The following PIGK variants were observed in gnomAD, a reference collection of about 807,000 sequenced individuals.
PIGK encodes GPI-anchor transamidase.
A neutral mutation model predicts 50.6 loss-of-function variants in PIGK; 42 were observed. The ratio of observed to expected loss-of-function variants is 0.83; its 90% CI spans 0.65 to 1.07. The LOEUF is 1.07. Ranked by LOEUF, PIGK falls within the 50% of genes least tolerant of loss-of-function variation. PIGK has a pLI of 0.00. For synonymous variants in PIGK, 151 were observed against 156.0 expected, an observed-to-expected ratio of 0.97 and a Z score of 0.24; for missense variants, 448 against 488.7, an observed-to-expected ratio of 0.92 and a Z score of 0.78.
intron 4 of PIGK, among the ~76,000 whole-genome samples, chr1:77,167,136 T>C (rs1655252199): frequency 6.6e-6 from 1 of 150,578 alleles, no homozygotes; most frequent in African/African-American, 2.5e-5. Context: ...TGGGCAGGAG[T>C]TCAAGATCAG....
intron 10 of PIGK, among the ~76,000 whole-genome samples, chr1:77,117,441 A>G (rs932964626): frequency 1.3e-5 from 2 of 152,216 alleles, no homozygotes; most frequent in Non-Finnish European, 2.9e-5. Flanking sequence ...TTTGACTGGT[A>G]TCTTCGGGGA....
At chr1:77,151,806 G>A (rs1267071977) in intron 9 of PIGK, among the ~76,000 whole-genome samples, 1 of 152,030 alleles carries the variant, frequency 6.6e-6, no homozygotes, top group Non-Finnish European at 1.5e-5. Flanking sequence ...ATCTCTACAG[G>A]AAAAACTACA....
At chr1:77,195,227 T>TG in intron 3 of PIGK, 1 of 1,229,122 alleles carries the variant, frequency 8.1e-7, no homozygotes, top group Non-Finnish European at 1.2e-6. Flanking sequence ...CTTTTCTTAC[T>TG]GGCAGGGCGA....
intron 10 of PIGK, among the ~76,000 whole-genome samples, chr1:77,108,340 C>T (rs1338286295): frequency 6.6e-6 from 1 of 152,128 alleles, no homozygotes; most frequent in African/African-American, 2.4e-5. Context: ...ATATCTCCTT[C>T]ACTTATGAAG....
At chr1:77,195,798 A>G (rs60914816) in intron 3 of PIGK, among the ~76,000 whole-genome samples, 5,645 of 152,056 alleles carry the variant, frequency 0.037, 204 homozygotes, top group South Asian at 0.21. Context: ...AGATATTTAT[A>G]TATCTATATA....
rs192965754 is a variant in PIGK at position 77,171,472 on chromosome 1, C to A, written c.240-2077G>T. On this transcript the variant is annotated intron_variant, in intron 3 of 10. Transcript: ENST00000370812. ...AAAAAAAAAAAAAAAAAGAATATTTCTTTAGGCTATGTTTTCTGTTTAGGG... is the reference window on the plus strand; with the variant it reads ...AAAAAAAAAAAAAAAAAGAATATTTATTTAGGCTATGTTTTCTGTTTAGGG... 1.9e-3 allele frequency among the ~76,000 whole-genome samples: 151 copies of A among 78,052 alleles called. 1 individual carries two copies. Among genetic ancestry groups the A allele is most frequent in the African/African-American group, 5.0e-3 (142 of 28,418 alleles). 51.2% of individuals were successfully genotyped at this position (78,052 alleles called of 152,430 possible).
intron 10 of PIGK, among the ~76,000 whole-genome samples, chr1:77,110,000 C>A (rs1283927804): frequency 6.6e-6 from 1 of 152,128 alleles, no homozygotes; most frequent in Non-Finnish European, 1.5e-5. Context: ...TGAGTGAACT[C>A]CCATTCACAA....
intron 9 of PIGK, chr1:77,129,187 A>G (rs1181525780): frequency 1.3e-6 from 2 of 1,583,574 alleles, no homozygotes; most frequent in East Asian, 4.5e-5. Context: ...CTTCGTGTTC[A>G]CTTTAAGAAC....
chr1:77,107,122 T>A lies in PIGK; in HGVS notation c.1072-14632A>T, dbSNP rs544058241. ...GCTCTGATCTTAGTTATTTCTTGCC[T>A]TCTGCTAGCTTTTGAATGTGTTTAC... On this transcript the variant is annotated intron_variant, in intron 10 of 10. Transcript: ENST00000370812. Among the ~76,000 whole-genome samples, 5 of 152,298 alleles carry A rather than the reference T, an allele frequency of 3.3e-5. No individual in the cohort carries two copies. In the East Asian group the frequency reaches 9.7e-4, roughly 29 times the overall value.
intron 10 of PIGK, among the ~76,000 whole-genome samples, chr1:77,107,545 C>G (rs979929624): frequency 1.3e-5 from 2 of 152,130 alleles, no homozygotes; most frequent in Non-Finnish European, 2.9e-5. Flanking sequence ...CGATGTGGTG[C>G]TGAGAAGAAT....
At chr1:77,219,153 G>C (rs1477540412) in intron 1 of PIGK, among the ~76,000 whole-genome samples, 157 bp downstream of exon 1, 1 of 152,222 alleles carries the variant, frequency 6.6e-6, no homozygotes, top group Non-Finnish European at 1.5e-5. Flanking sequence ...CAGACCAACA[G>C]TGTCCTAACC....
intron 8 of PIGK, among the ~76,000 whole-genome samples, chr1:77,160,802 T>C (rs1163533417): frequency 6.6e-6 from 1 of 152,178 alleles, no homozygotes; most frequent in East Asian, 1.9e-4. Flanking sequence ...ATACTATAAA[T>C]TGTAGGGCCC....
chr1:77,216,634 G>GCATGTGTGTGT (rs1557435336), intron 1 of PIGK, among the ~76,000 whole-genome samples: 100 of 151,694 alleles, frequency 6.6e-4, no homozygotes, highest in African/African-American at 2.4e-3. Context: ...TGTGTGTGTG[G>GCATGTGTGTGT]GGGGGTGTGT....
intron 1 of PIGK, among the ~76,000 whole-genome samples, chr1:77,218,643 TG>T (rs1279761552): frequency 6.6e-6 from 1 of 152,180 alleles, no homozygotes; most frequent in Non-Finnish European, 1.5e-5. Flanking sequence ...CTTAGTCAGC[TG>T]GATATGCAGG....
intron 9 of PIGK, chr1:77,154,090 G>A (rs1280048499): frequency 3.2e-6 from 1 of 316,580 alleles, no homozygotes; most frequent in Non-Finnish European, 5.7e-6. Flanking sequence ...GCAGTACCTG[G>A]TTTACACTTC....
chr1:77,132,819 T>C (rs779473100), intron 9 of PIGK, among the ~76,000 whole-genome samples: 16 of 152,102 alleles, frequency 1.1e-4, no homozygotes, highest in Admixed American at 2.6e-4. Flanking sequence ...TAGAGAATGA[T>C]AGGTTAAAAG....
intron 3 of PIGK, among the ~76,000 whole-genome samples, chr1:77,199,767 C>T (rs79986582): frequency 0.017 from 2,529 of 152,100 alleles, 17 homozygotes; most frequent in Middle Eastern, 0.045. Context: ...CTAGGTTCCA[C>T]AGCATTTACT....
chr1:77,167,330 G>GA (rs1456994938), intron 4 of PIGK, among the ~76,000 whole-genome samples: 2 of 151,716 alleles, frequency 1.3e-5, no homozygotes, highest in African/African-American at 2.4e-5. Flanking sequence ...ATGTCTCTTA[G>GA]AAAAAAACAA....
chr1:77,218,821 T>G (rs1010870975), intron 1 of PIGK, among the ~76,000 whole-genome samples: 1 of 152,128 alleles, frequency 6.6e-6, no homozygotes, highest in Non-Finnish European at 1.5e-5. Flanking sequence ...TTCTCTTCCA[T>G]TTCTTAACCC....
Sources: allele counts gnomAD v4.1 joint callset (sites outside exome capture counted in the v4.1 genomes callset), GRCh38; gene constraint gnomAD v4.1.1; transcripts MANE v1.5; gene names NCBI Gene and HGNC (gene_info 2026-07-23, HGNC 2026-07-21).